C3AR1: variants seen among roughly 807,000 people sequenced by gnomAD.
C3AR1 encodes the protein C3a anaphylatoxin chemotactic receptor.
For missense variants in C3AR1, 579 were observed against 583.5 expected, an observed-to-expected ratio of 0.99 and a Z score of 0.08; for synonymous variants, 208 against 225.3, an observed-to-expected ratio of 0.92 and a Z score of 0.69.
chr12:8,065,062 A>G (rs1169295099), intron 1 of C3AR1, among the ~76,000 whole-genome samples: 1 of 151,930 alleles, frequency 6.6e-6, no homozygotes, highest in Non-Finnish European at 1.5e-5. Flanking sequence ...AAACTCAGCA[A>G]ATTAGATTAC....
chr12:8,064,154 A>T (rs1397637002), intron 1 of C3AR1, among the ~76,000 whole-genome samples: 1 of 152,052 alleles, frequency 6.6e-6, no homozygotes, highest in East Asian at 1.9e-4. Flanking sequence ...TTGCAATTAC[A>T]TCTAAAATTC....
Position 8,060,149 on chromosome 12 carries a change from G to A in C3AR1, c.37C>T (p.Leu13=), listed in dbSNP as rs151033908. 612 of 1,613,132 alleles carry A rather than the reference G, an allele frequency of 3.8e-4. 5 individuals are homozygous for A. In the South Asian group the frequency reaches 5.3e-3, roughly 14 times the overall value. Residue 13 remains leucine (L), a synonymous_variant, in exon 2 of 2, where the codon CTA becomes TTA. Coordinates refer to ENST00000307637, the MANE Select transcript of C3AR1 (RefSeq NM_004054.4). ...SFSAETNSTD[L]LSQPWNEPPV... The stretch of plus-strand genomic sequence containing the variant: ...GGCTCATTCCATGGCTGTGAGAGTA[G>A]GTCAGTTGAATTGGTCTCAGCAGAG...
Position 8,058,014 on chromosome 12 carries a change from C to T in C3AR1, c.*723G>A, listed in dbSNP as rs1947210676. 6.6e-6 allele frequency among the ~76,000 whole-genome samples: 1 copy of T among 152,278 alleles called. No individual in the cohort carries two copies. The highest frequency in any genetic ancestry group is 6.5e-5 in the Admixed American group (1 of 15,294). ...ACAGAACTCCCCAAACCACAGCTTT[C>T]ATAACATTTCATGAGTCAGTTTTCA... On this transcript the variant is annotated 3_prime_UTR_variant, in exon 2 of 2. Transcript: ENST00000307637.
chr12:8,059,175 C>T lies in C3AR1; in HGVS notation c.1011G>A (p.Thr337=), dbSNP rs372743692. Residue 337 remains threonine, a synonymous_variant, in exon 2 of 2, where the codon ACG becomes ACA. Transcript: ENST00000307637. ...GGAAACCCACCACTAGCCTAGTGAT[C>T]GTTATTGCCACGAGGGGTGTTGGCA... ...DQVPTPLVAI[T]ITRLVVGFLL... 1 of 1,614,110 alleles carries T rather than the reference C, an allele frequency of 6.2e-7. No individual in the cohort carries two copies. Among genetic ancestry groups the T allele is most frequent in the African/African-American group, 1.3e-5 (1 of 75,024 alleles).
rs771364125 is a variant in C3AR1 at position 8,058,741 on chromosome 12, AC to A, written c.1444del (p.Val482CysfsTer13). The A allele has an allele frequency of 1.9e-6, 3 of 1,595,238 alleles. No individual in the cohort carries two copies. The highest frequency in any genetic ancestry group is 2.6e-6 in the Non-Finnish European group (3 of 1,168,944). On this transcript the variant is annotated frameshift_variant, in exon 2 of 2. Transcript: ENST00000307637. LOFTEE classifies it high-confidence loss of function. The stretch of plus-strand genomic sequence containing the variant: ...CTTGTTGGCTGCTCCACATTTTCAC[AC>A]AGTTGTACTATTTCTTTCTGAAATG... The part of the protein sequence containing the change: ...NVISERNSTT[V>X]
chr12:8,062,913 T>C (rs1947289206), intron 1 of C3AR1, among the ~76,000 whole-genome samples: 1 of 149,756 alleles, frequency 6.7e-6, no homozygotes, highest in Non-Finnish European at 1.5e-5. Flanking sequence ...CCTCCCAAAG[T>C]GTTGGGATTA....
chr12:8,064,933 C>G (rs1373107817), intron 1 of C3AR1, among the ~76,000 whole-genome samples: 1 of 151,864 alleles, frequency 6.6e-6, no homozygotes. Context: ...AAGCTGCTCT[C>G]AAACTCCTGG....
chr12:8,058,902 A>G lies in C3AR1; in HGVS notation c.1284T>C (p.Ser428=). ...GGGCATAAAGGAAGGGATTAAAGCA[A>G]CTATTGGCAGATGCTAGAGCAATGC... ...HVCIALASAN[S]CFNPFLYALL... The change falls in exon 2 of 2, where the codon AGT becomes AGC. Residue 428 remains serine, a synonymous_variant. Transcript: ENST00000307637. The G allele has an allele frequency of 6.2e-7, 1 of 1,614,194 alleles. No homozygotes were observed. Among genetic ancestry groups the G allele is most frequent in the Non-Finnish European group, 8.5e-7 (1 of 1,180,004 alleles).
chr12:8,062,912 G>A (rs1364377222), intron 1 of C3AR1, among the ~76,000 whole-genome samples: 1 of 145,864 alleles, frequency 6.9e-6, no homozygotes, highest in Non-Finnish European at 1.5e-5. Context: ...GCCTCCCAAA[G>A]TGTTGGGATT....
chr12:8,063,770 G>A (rs898700913), intron 1 of C3AR1, among the ~76,000 whole-genome samples: 1 of 152,066 alleles, frequency 6.6e-6, no homozygotes, highest in Non-Finnish European at 1.5e-5. Flanking sequence ...GAGACACCAA[G>A]GTTAAAGATT....
chr12:8,061,858 G>A (rs374184035), intron 1 of C3AR1, among the ~76,000 whole-genome samples: 2 of 152,092 alleles, frequency 1.3e-5, no homozygotes, highest in East Asian at 1.9e-4. Flanking sequence ...CCATATTCAC[G>A]TTGTACAACC....
rs1303387457 is a variant in C3AR1, at chr12:8,059,979, G to T, written c.207C>A (p.Leu69=). 1 of 1,614,144 alleles carries T rather than the reference G, an allele frequency of 6.2e-7. No individual in the cohort carries two copies. Among genetic ancestry groups the T allele is most frequent in the Admixed American group, 1.7e-5 (1 of 60,012 alleles). Residue 69 remains leucine (L), a synonymous_variant, in exon 2 of 2, where the codon CTC becomes CTA. Coordinates refer to ENST00000307637, the MANE Select transcript of C3AR1 (RefSeq NM_004054.4). ...IWFLHLTLAD[L]LCCLSLPFSL... is the part of the protein sequence containing the mutation. ...AGAAGGGCAAGGAGAGGCAGCAGAG[G>T]AGGTCCGCCAAGGTGAGGTGGAGGA...
rs1172324679 is a variant in C3AR1 at position 8,059,477 on chromosome 12, G to T, written c.709C>A (p.Pro237Thr). The T allele has an allele frequency of 1.2e-6, 2 of 1,614,158 alleles. No homozygotes were observed. Among genetic ancestry groups the T allele is most frequent in the Admixed American group, 1.7e-5 (1 of 60,012 alleles). ...TVFQPQTFQR[P>T]SADSLPRGSA... Reference sequence around the variant, plus strand: ...CCCCTAGGGAGTGAATCTGCAGAAGGTCTTTGAAATGTTTGAGGTTGGAAG... The same window carrying T: ...CCCCTAGGGAGTGAATCTGCAGAAGTTCTTTGAAATGTTTGAGGTTGGAAG... Residue 237 changes from proline to threonine, a missense_variant, in exon 2 of 2, where the codon CCT becomes ACT. Pro to Thr is a conservative substitution (Grantham distance 38). Coordinates refer to ENST00000307637, the MANE Select transcript of C3AR1 (RefSeq NM_004054.4).
Position 8,059,401 on chromosome 12 carries a change from G to T in C3AR1, c.785C>A (p.Ala262Asp). 1 of 1,614,022 alleles carries T rather than the reference G, an allele frequency of 6.2e-7. No individual in the cohort carries two copies. The highest frequency in any genetic ancestry group is 8.5e-7 in the Non-Finnish European group (1 of 1,179,942). Reference sequence around the variant, plus strand: ...GGGGATTTTAGGTGAGACCACATCAGCAGGTTTAAATACATTAGAATACAG... The same window carrying T: ...GGGGATTTTAGGTGAGACCACATCATCAGGTTTAAATACATTAGAATACAG... ...QNLYSNVFKPADVVSPKIPSG... is the reference protein window; with the variant it reads ...QNLYSNVFKPDDVVSPKIPSG... Residue 262 changes from alanine (A) to aspartate (D), a missense_variant, in exon 2 of 2, where the codon GCT (alanine) becomes GAT (aspartate). By Grantham distance (126) the Ala-to-Asp change is moderately radical (BLOSUM62 -2). Coordinates refer to ENST00000307637, the MANE Select transcript of C3AR1 (RefSeq NM_004054.4).
rs780443537 is a variant in C3AR1, at chr12:8,059,455, C to T, written c.731G>A (p.Arg244Lys). The T allele has an allele frequency of 1.9e-6, 3 of 1,613,810 alleles. No individual in the cohort carries two copies. The highest frequency in any genetic ancestry group is 2.5e-6 in the Non-Finnish European group (3 of 1,179,924). Residue 244 changes from arginine (R) to lysine (K), a missense_variant, in exon 2 of 2, where the codon AGG becomes AAG. Coordinates refer to ENST00000307637, the MANE Select transcript of C3AR1 (RefSeq NM_004054.4). ...FQRPSADSLP[R>K]GSARLTSQNL... ...TTGACTTGTTAACCTAGCAGAACCC[C>T]TAGGGAGTGAATCTGCAGAAGGTCT... is the stretch of plus-strand genomic sequence containing the variant.
chr12:8,057,225 G>C lies in C3AR1; in HGVS notation c.*1512C>G, dbSNP rs1177703993. Among the ~76,000 whole-genome samples, 1 of 152,164 alleles carries C rather than the reference G, an allele frequency of 6.6e-6. No individual in the cohort carries two copies. The highest frequency in any genetic ancestry group is 1.5e-5 in the Non-Finnish European group (1 of 68,036). On this transcript the variant is annotated 3_prime_UTR_variant, in exon 2 of 2. Transcript: ENST00000307637. ...AAAATGAGAAGGTGGTAGGGAGTTA[G>C]GTAATTTTGTTTTAAATGAAAAAGG...
intron 1 of C3AR1, among the ~76,000 whole-genome samples, chr12:8,063,770 G>C (rs898700913): frequency 1.3e-5 from 2 of 152,066 alleles, no homozygotes; most frequent in Non-Finnish European, 2.9e-5. Flanking sequence ...GAGACACCAA[G>C]GTTAAAGATT....
In C3AR1 at chr12:8,059,397, A is replaced by C. The variant is rs1355191191; in HGVS notation, c.789T>G (p.Asp263Glu). 3.1e-6 allele frequency: 5 copies of C among 1,614,044 alleles called. No homozygotes were observed. Among genetic ancestry groups the C allele is most frequent in the Non-Finnish European group, 4.2e-6 (5 of 1,180,008 alleles). Residue 263 changes from aspartate (D) to glutamate (E), a missense_variant, in exon 2 of 2, where the codon GAT becomes GAG. By Grantham distance (45) the Asp-to-Glu change is conservative (BLOSUM62 2). Coordinates refer to ENST00000307637, the MANE Select transcript of C3AR1 (RefSeq NM_004054.4). ...NLYSNVFKPA[D>E]VVSPKIPSGF... The stretch of plus-strand genomic sequence containing the variant: ...CACTGGGGATTTTAGGTGAGACCAC[A>C]TCAGCAGGTTTAAATACATTAGAAT...
chr12:8,059,014 G>C lies in C3AR1; in HGVS notation c.1172C>G (p.Thr391Ser), dbSNP rs1947231050. 5 of 1,614,088 alleles carry C rather than the reference G, an allele frequency of 3.1e-6. No individual in the cohort carries two copies. The Admixed American group carries it at 8.3e-5, about 27-fold the overall frequency. Residue 391 changes from threonine (T) to serine (S), a missense_variant, in exon 2 of 2, where the codon ACT becomes AGT. By Grantham distance (58) the Thr-to-Ser change is moderately conservative. Coordinates refer to ENST00000307637, the MANE Select transcript of C3AR1 (RefSeq NM_004054.4). ...CAGGACTCCAAAAATGTGGTATGGA[G>C]TCCAGCAGACAAGAAAGACAGCCAC... ...VVVAVFLVCW[T>S]PYHIFGVLSL...
Sources: gnomAD v4.1 joint callset for allele counts (sites outside exome capture counted in the v4.1 genomes callset) on GRCh38, gnomAD v4.1.1 for gene constraint, MANE v1.5 for transcripts, NCBI Gene and HGNC (gene_info 2026-07-23, HGNC 2026-07-21) for gene names.